Variants in GSG1L observed in about 807,000 individuals in gnomAD.
The protein encoded by GSG1L is GSG1 like, also known as germ cell-specific gene 1-like protein.
GSG1L carries 24 observed loss-of-function variants against 42.1 expected under a neutral mutation model. The ratio of observed to expected loss-of-function variants is 0.57; its 90% CI spans 0.41 to 0.80. GSG1L has a LOEUF of 0.80. Among genes scored for constraint, GSG1L ranks in the 30% least tolerant of loss-of-function variants. The pLI is 0.00. For missense variants in GSG1L, 445 were observed against 472.2 expected, an observed-to-expected ratio of 0.94 and a Z score of 0.53; for synonymous variants, 215 against 203.5, an observed-to-expected ratio of 1.06 and a Z score of -0.48.
chr16:27,992,213 T>TC (rs2085464831), intron 1 of GSG1L, among the ~76,000 whole-genome samples: 1 of 152,164 alleles, frequency 6.6e-6, no homozygotes, highest in Non-Finnish European at 1.5e-5. Context: ...AAGGATATTT[T>TC]CGGTTGGGCC....
At chr16:27,888,280 A>T (rs1596587383) in intron 2 of GSG1L, 1 of 202,274 alleles carries the variant, frequency 4.9e-6, no homozygotes, top group Non-Finnish European at 8.8e-6. Flanking sequence ...TTCAGAAGTG[A>T]TGGGAGATGG....
intron 2 of GSG1L, among the ~76,000 whole-genome samples, chr16:27,952,453 G>A (rs1479655402): frequency 2.6e-5 from 4 of 152,226 alleles, no homozygotes; most frequent in Non-Finnish European, 4.4e-5. Flanking sequence ...CAAAGCAAAC[G>A]AGGTGGTAAA....
intron 3 of GSG1L, among the ~76,000 whole-genome samples, chr16:27,859,979 G>T (rs2083624486): frequency 6.6e-6 from 1 of 152,196 alleles, no homozygotes; most frequent in African/African-American, 2.4e-5. Context: ...GCCACACCCA[G>T]CCATCCTGCC....
chr16:27,850,684 C>A, intron 3 of GSG1L: 1 of 428,402 alleles, frequency 2.3e-6, no homozygotes. Flanking sequence ...AAGCATAATG[C>A]TGCCTGGGGA....
At chr16:27,827,250 A>G (rs1194090992) in intron 5 of GSG1L, among the ~76,000 whole-genome samples, 2 of 152,108 alleles carry the variant, frequency 1.3e-5, no homozygotes, top group Non-Finnish European at 2.9e-5. Context: ...CCCTCTCTCA[A>G]GAGGAGAGAC....
Position 27,916,881 on chromosome 16 carries a change from G to A in GSG1L, c.398-32243C>T, listed in dbSNP as rs1440632048. ...AAAAATAAAATTAAAATCACTCAAT[G>A]CAAAAAAAAAAATGTCTAGAGTGGG... is the stretch of plus-strand genomic sequence containing the variant. On this transcript the variant is annotated intron_variant, in intron 2 of 6. Transcript: ENST00000447459. 4.0e-4 allele frequency among the ~76,000 whole-genome samples: 10 copies of A among 24,832 alleles called. No individual in the cohort carries two copies. The Admixed American group carries it at 5.4e-3, about 13-fold the overall frequency. 16.3% of individuals were successfully genotyped at this position (24,832 alleles called of 152,430 possible).
chr16:28,049,468 C>T (rs1282647533), intron 1 of GSG1L, among the ~76,000 whole-genome samples: 1 of 151,610 alleles, frequency 6.6e-6, no homozygotes, highest in Non-Finnish European at 1.5e-5. Flanking sequence ...ATCACTTGAG[C>T]CCCGAAGTTC....
intron 6 of GSG1L, among the ~76,000 whole-genome samples, chr16:27,798,611 A>C (rs953272355): frequency 6.6e-6 from 1 of 152,180 alleles, no homozygotes; most frequent in Non-Finnish European, 1.5e-5. Context: ...TGGCAGGTGT[A>C]GAATGCCCAG....
Position 28,063,531 on chromosome 16 carries a change from C to A in GSG1L, c.-107G>T, listed in dbSNP as rs1330412207. The A allele has an allele frequency of 7.8e-6, 5 of 644,730 alleles. No individual in the cohort carries two copies. The highest frequency in any genetic ancestry group is 8.0e-6 in the Non-Finnish European group (4 of 500,360). 39.9% of individuals were successfully genotyped at this position (644,730 alleles called of 1,614,324 possible). ...CCGCTGCCCGCCGCGCCCCGGGGCTCGGGTGCCTGAGATCGGCGGCGGCGG... is the reference window on the plus strand; with the variant it reads ...CCGCTGCCCGCCGCGCCCCGGGGCTAGGGTGCCTGAGATCGGCGGCGGCGG... On this transcript the variant is annotated 5_prime_UTR_variant, in exon 1 of 7. The change creates a premature stop within an existing upstream ORF in the 5' untranslated region. Transcript: ENST00000447459. The surrounding 1 kb of genome is among the most constrained non-coding windows in gnomAD (Gnocchi z 5.8).
chr16:27,974,497 G>A (rs963057766), intron 1 of GSG1L, among the ~76,000 whole-genome samples: 2 of 152,144 alleles, frequency 1.3e-5, no homozygotes, highest in Admixed American at 6.5e-5. Context: ...TGCTATTCTG[G>A]GGAGTGGAAG....
At chr16:28,009,445 A>G (rs1245432525) in intron 1 of GSG1L, among the ~76,000 whole-genome samples, 1 of 152,008 alleles carries the variant, frequency 6.6e-6, no homozygotes, top group Non-Finnish European at 1.5e-5. Context: ...GAACACATGC[A>G]TTTGTGTGTG....
chr16:27,800,232 T>C (rs1244285474), intron 6 of GSG1L, among the ~76,000 whole-genome samples: 4 of 152,230 alleles, frequency 2.6e-5, no homozygotes, highest in Admixed American at 6.5e-5. Flanking sequence ...AGGACTCTAT[T>C]GGATTTGATT....
chr16:28,010,523 G>A (rs1596698431), intron 1 of GSG1L, among the ~76,000 whole-genome samples: 1 of 152,142 alleles, frequency 6.6e-6, no homozygotes, highest in South Asian at 2.1e-4. Flanking sequence ...AAAAAGTGCT[G>A]TTCAATCTGG....
Position 27,936,334 on chromosome 16 carries a change from C to T in GSG1L, c.397+26822G>A, listed in dbSNP as rs560233637. Among the ~76,000 whole-genome samples, 13 of 152,286 alleles carry T rather than the reference C, an allele frequency of 8.5e-5. No homozygotes were observed. The South Asian group carries it at 2.5e-3, about 29-fold the overall frequency. ...GGAGCCTAATGGAAGGTGTTTGGGT[C>T]ATGGGGGAGGACTCCTCATGAATAG... On this transcript the variant is annotated intron_variant, in intron 2 of 6. Transcript: ENST00000447459.
At chr16:27,899,600 G>A (rs951363648) in intron 2 of GSG1L, among the ~76,000 whole-genome samples, 1 of 152,166 alleles carries the variant, frequency 6.6e-6, no homozygotes, top group African/African-American at 2.4e-5. Flanking sequence ...ACCTGTGGTG[G>A]TAGCCACTCA....
intron 1 of GSG1L, among the ~76,000 whole-genome samples, chr16:27,964,795 C>T (rs908274723): frequency 6.6e-6 from 1 of 151,966 alleles, no homozygotes; most frequent in South Asian, 2.1e-4. Context: ...GGGGATTGGG[C>T]GGGGAGCAGT....
chr16:27,869,583 C>T lies in GSG1L; in HGVS notation c.550+14903G>A, dbSNP rs141061321. 2.4e-3 allele frequency among the ~76,000 whole-genome samples: 350 copies of T among 143,488 alleles called. 6 individuals are homozygous for T. Among genetic ancestry groups the T allele is most frequent in the African/African-American group, 9.0e-3 (334 of 37,168 alleles). 94.1% of individuals were successfully genotyped at this position (143,488 alleles called of 152,430 possible). On this transcript the variant is annotated intron_variant, in intron 3 of 6. Transcript: ENST00000447459. ...CTCTCCTCTCTGTCTCCCTCACTCC[C>T]TCTCCTTCTCTCTGTCTCTGTCTCC...
intron 6 of GSG1L, among the ~76,000 whole-genome samples, chr16:27,800,344 A>G (rs1597458527): frequency 1.3e-5 from 2 of 152,200 alleles, no homozygotes; most frequent in African/African-American, 4.8e-5. Flanking sequence ...AGACCCATCT[A>G]GATGGAGCTC....
chr16:27,950,891 C>G (rs1567532355), intron 2 of GSG1L, among the ~76,000 whole-genome samples: 1 of 152,148 alleles, frequency 6.6e-6, no homozygotes, highest in Non-Finnish European at 1.5e-5. Flanking sequence ...ACATGGCGCT[C>G]CTCCACTCAA....
Sources: gnomAD v4.1 joint callset for allele counts (sites outside exome capture counted in the v4.1 genomes callset) on GRCh38, gnomAD v4.1.1 for gene constraint, Gnocchi (gnomAD v3.1) non-coding constraint, MANE v1.5 for transcripts, NCBI Gene and HGNC (gene_info 2026-07-23, HGNC 2026-07-21) for gene names.